OR56A3: variants seen among roughly 807,000 people sequenced by gnomAD.
OR56A3 encodes olfactory receptor family 56 subfamily A member 3.
OR56A3 carries 23 observed loss-of-function variants against 17.5 expected under a neutral mutation model. The ratio of observed to expected loss-of-function variants is 1.32; its 90% CI spans 0.95 to 1.87. The LOEUF (loss-of-function observed/expected upper bound fraction) is 1.87. Among genes scored for constraint, OR56A3 ranks in the 40% most tolerant of loss-of-function variants. The pLI, the probability that OR56A3 is intolerant of heterozygous loss-of-function variation, is 0.00. For synonymous variants in OR56A3, 175 were observed against 150.6 expected (o/e 1.16, Z -1.19); for missense variants, 366 against 380.1 (o/e 0.96, Z 0.31).
the OR56A3 span, among the ~76,000 whole-genome samples, chr11:5,961,767 A>AG: frequency 2.6e-3 from 401 of 152,038 alleles, 1 homozygote; most frequent in Non-Finnish European, 4.7e-3. Context: ...AAAAAAAAAA[A>AG]AAAGAAAGCG....
At chr11:6,005,245 C>CT in the OR56A3 span, among the ~76,000 whole-genome samples, 1 of 152,002 alleles carries the variant, frequency 6.6e-6, no homozygotes, top group African/African-American at 2.4e-5. Context: ...ATGCAACAAG[C>CT]TAAGAGCATC....
chr11:6,017,352 C>T, the OR56A3 span, among the ~76,000 whole-genome samples: 1 of 152,002 alleles, frequency 6.6e-6, no homozygotes, highest in Non-Finnish European at 1.5e-5. Flanking sequence ...AAGGTATTCT[C>T]CAAGATATAT....
chr11:5,995,487 A>T, the OR56A3 span, among the ~76,000 whole-genome samples: 1 of 152,168 alleles, frequency 6.6e-6, no homozygotes, highest in Non-Finnish European at 1.5e-5. Flanking sequence ...CTTGAGTTGG[A>T]CAGGATACAG....
chr11:5,952,650 AT>A (rs1010802621), downstream of OR56A3, among the ~76,000 whole-genome samples: 43 of 148,496 alleles, frequency 2.9e-4, no homozygotes, highest in African/African-American at 1.0e-3. Flanking sequence ...TAAATAATAA[AT>A]AAGTAATAAA....
At chr11:5,990,282 C>A in the OR56A3 span, among the ~76,000 whole-genome samples, 1 of 152,194 alleles carries the variant, frequency 6.6e-6, no homozygotes, top group East Asian at 1.9e-4. Context: ...GACTGAGAAT[C>A]ACAGGAAGGT....
At chr11:5,962,443 T>G in the OR56A3 span, among the ~76,000 whole-genome samples, 2 of 152,216 alleles carry the variant, frequency 1.3e-5, no homozygotes, top group African/African-American at 4.8e-5. Flanking sequence ...TCTTTAATTT[T>G]TTGGAATAGC....
At chr11:5,985,587 C>A in the OR56A3 span, among the ~76,000 whole-genome samples, 3 of 152,152 alleles carry the variant, frequency 2.0e-5, no homozygotes, top group African/African-American at 2.4e-5. Context: ...AAGGGTGGGA[C>A]TTTACAATTC....
rs1847884876 is a variant in OR56A3, at chr11:5,948,093, C to G, written c.747C>G (p.Phe249Leu). ...AKALSTCGSH[F>L]MLILFFSTIL... ...CCCTAAGCACATGTGGCTCCCACTT[C>G]ATGCTCATCCTCTTCTTCAGCACCA... Residue 249 changes from phenylalanine (F) to leucine (L), a missense_variant, in exon 3 of 3, where the codon TTC (phenylalanine) becomes TTG (leucine). Transcript: ENST00000641160. 2 of 1,614,134 alleles carry G rather than the reference C, an allele frequency of 1.2e-6. No individual in the cohort carries two copies. The highest frequency in any genetic ancestry group is 1.7e-5 in the Admixed American group (1 of 60,018).
At chr11:5,988,390 T>C in the OR56A3 span, among the ~76,000 whole-genome samples, 1 of 152,184 alleles carries the variant, frequency 6.6e-6, no homozygotes, top group Non-Finnish European at 1.5e-5. Flanking sequence ...TGTAGTGAGA[T>C]AAATAAAAGC....
At chr11:5,969,008 A>G in the OR56A3 span, among the ~76,000 whole-genome samples, 3 of 152,236 alleles carry the variant, frequency 2.0e-5, no homozygotes, top group Non-Finnish European at 4.4e-5. Flanking sequence ...GAGATGGAAA[A>G]AATATATAAT....
the OR56A3 span, among the ~76,000 whole-genome samples, chr11:5,998,617 G>A: frequency 6.6e-6 from 1 of 152,160 alleles, no homozygotes; most frequent in Non-Finnish European, 1.5e-5. Flanking sequence ...AGAAGTTGCA[G>A]AAGTTATTCT....
At chr11:6,000,318 A>G in the OR56A3 span, 2 of 152,230 alleles carry the variant, frequency 1.3e-5, no homozygotes, top group African/African-American at 2.4e-5. Flanking sequence ...TGGTAGGGAC[A>G]TGGATGAAGC....
At chr11:6,018,104 T>A in the OR56A3 span, among the ~76,000 whole-genome samples, 1 of 151,892 alleles carries the variant, frequency 6.6e-6, no homozygotes, top group Admixed American at 6.6e-5. Flanking sequence ...GTAATTATTA[T>A]TAGGTTGAAA....
chr11:5,991,359 T>C, the OR56A3 span, among the ~76,000 whole-genome samples: 1 of 152,134 alleles, frequency 6.6e-6, no homozygotes, highest in South Asian at 2.1e-4. Flanking sequence ...TCATTTTCCA[T>C]CTATATTCTT....
At chr11:5,971,674 T>A in the OR56A3 span, among the ~76,000 whole-genome samples, 1 of 152,222 alleles carries the variant, frequency 6.6e-6, no homozygotes, top group African/African-American at 2.4e-5. Flanking sequence ...AAACTTTTGA[T>A]ATATTGTTAA....
chr11:5,957,371 T>G, the OR56A3 span, among the ~76,000 whole-genome samples: 1 of 152,250 alleles, frequency 6.6e-6, no homozygotes, highest in Admixed American at 6.5e-5. Context: ...TATACTTTCT[T>G]AATCTATCTC....
chr11:5,968,892 T>A, the OR56A3 span, among the ~76,000 whole-genome samples: 1 of 152,176 alleles, frequency 6.6e-6, no homozygotes, highest in African/African-American at 2.4e-5. Context: ...AATAAATATG[T>A]CATAAAATAA....
At chr11:5,991,216 G>C in the OR56A3 span, among the ~76,000 whole-genome samples, 1 of 152,160 alleles carries the variant, frequency 6.6e-6, no homozygotes, top group African/African-American at 2.4e-5. Context: ...ATCTACATAC[G>C]CAATACATAT....
At position 5,948,164 on chromosome 11, in the gene OR56A3, C is replaced by T; in HGVS notation, c.818C>T (p.Ser273Phe). The T allele has an allele frequency of 6.2e-7, 1 of 1,614,204 alleles. No individual in the cohort carries two copies. The highest frequency in any genetic ancestry group is 8.5e-7 in the Non-Finnish European group (1 of 1,180,006). Residue 273 changes from serine (S) to phenylalanine (F), a missense_variant, in exon 3 of 3, where the codon TCC (serine) becomes TTC (phenylalanine). Physicochemically the swap from Ser to Phe is radical, Grantham distance 155. Transcript: ENST00000641160. ...VLTHVAKKKV[S>F]PDVPVLLNVL... The stretch of plus-strand genomic sequence containing the variant: ...ACACATGTGGCTAAGAAGAAAGTCT[C>T]CCCTGATGTGCCAGTCTTGCTCAAT...
Sources: gnomAD v4.1 joint callset for allele counts (sites outside exome capture counted in the v4.1 genomes callset) on GRCh38, gnomAD v4.1.1 for gene constraint, MANE v1.5 for transcripts, NCBI Gene and HGNC (gene_info 2026-07-23, HGNC 2026-07-21) for gene names.